The following SCN10A variants were observed in gnomAD, a reference collection of about 807,000 sequenced individuals.
The protein encoded by SCN10A is sodium voltage-gated channel alpha subunit 10.
In SCN10A, 162 loss-of-function variants were observed where a neutral mutation model predicts 170.7. That is an observed-to-expected ratio of 0.95 (90% CI 0.84 to 1.08). The LOEUF is 1.08. Ranked by LOEUF, SCN10A falls within the 50% of genes least tolerant of loss-of-function variation. The probability of loss-of-function intolerance (pLI) is 0.00; values close to 1 mark genes in which losing one functional copy is unlikely to be tolerated. For missense variants in SCN10A, 2,527 were observed against 2,436.9 expected, an observed-to-expected ratio of 1.04 and a Z score of -0.78; for synonymous variants, 985 against 904.6, an observed-to-expected ratio of 1.09 and a Z score of -1.59.
intron 1 of SCN10A, among the ~76,000 whole-genome samples, chr3:38,801,640 G>A (rs571284604): frequency 6.6e-6 from 1 of 152,000 alleles, no homozygotes; most frequent in South Asian, 2.1e-4. Flanking sequence ...TCTGAGAACA[G>A]CCTTTTTGTC....
In SCN10A at chr3:38,698,500, C is replaced by A. The variant is rs1293275271; in HGVS notation, c.4720G>T (p.Val1574Phe). The A allele has an allele frequency of 1.9e-6, 3 of 1,614,044 alleles. No individual in the cohort carries two copies. Among genetic ancestry groups the A allele is most frequent in the Non-Finnish European group, 2.5e-6 (3 of 1,180,030 alleles). ...CGGCCAATTCGGGCCAGGCGGATGA[C>A]TCTGAAGAGCGTTGGGGAGAAGTAA... ...QSYFSPTLFRVIRLARIGRIL... is the reference protein window; with the variant it reads ...QSYFSPTLFRFIRLARIGRIL... Residue 1574 changes from valine to phenylalanine, a missense_variant, in exon 28 of 28, where the codon GTC becomes TTC. Val to Phe is a conservative substitution (Grantham distance 50). Coordinates refer to ENST00000449082, the MANE Select transcript of SCN10A (RefSeq NM_006514.4).
intron 27 of SCN10A, 37 bp from the exon 28 acceptor site, chr3:38,698,599 C>T: frequency 6.3e-7 from 1 of 1,583,160 alleles, no homozygotes; most frequent in Non-Finnish European, 8.6e-7. Flanking sequence ...ATTAGTATCT[C>T]CAGCCATGAG....
intron 22 of SCN10A, among the ~76,000 whole-genome samples, chr3:38,712,805 CACAATTTAAAT>C (rs1227662430): frequency 6.6e-6 from 1 of 152,190 alleles, no homozygotes; most frequent in Non-Finnish European, 1.5e-5. Context: ...AAAACACAAA[CACAATTTAAAT>C]ACAATTTAAA....
At chr3:38,708,984 A>C (rs375119710) in intron 25 of SCN10A, among the ~76,000 whole-genome samples, 1 of 152,210 alleles carries the variant, frequency 6.6e-6, no homozygotes, top group Middle Eastern at 3.2e-3. Context: ...TCTTATAAAC[A>C]TGAGAGGTTA....
At chr3:38,724,561 T>C (rs1423062962) in intron 18 of SCN10A, among the ~76,000 whole-genome samples, 3 of 152,206 alleles carry the variant, frequency 2.0e-5, no homozygotes, top group Admixed American at 2.0e-4. Flanking sequence ...TACTCACCTA[T>C]AGAGAGCCTC....
chr3:38,777,056 A>AT, intron 4 of SCN10A, among the ~76,000 whole-genome samples: 1 of 152,246 alleles, frequency 6.6e-6, no homozygotes, highest in African/African-American at 2.4e-5. Flanking sequence ...GACTCTCATA[A>AT]ACATCATAAT....
chr3:38,744,049 G>T (rs2126016440), intron 13 of SCN10A, among the ~76,000 whole-genome samples: 1 of 152,256 alleles, frequency 6.6e-6, no homozygotes, highest in East Asian at 1.9e-4. Flanking sequence ...GATGTCCATT[G>T]TTTATAATAA....
chr3:38,778,341 T>G (rs1054157761), intron 4 of SCN10A, among the ~76,000 whole-genome samples: 2 of 151,882 alleles, frequency 1.3e-5, no homozygotes, highest in African/African-American at 4.8e-5. Flanking sequence ...AACCAGGGCA[T>G]GGGGAGAGTA....
In SCN10A at chr3:38,697,296, A is replaced by C; in HGVS notation, c.*53T>G. On this transcript the variant is annotated 3_prime_UTR_variant, in exon 28 of 28. Coordinates refer to ENST00000449082, the MANE Select transcript of SCN10A (RefSeq NM_006514.4). ...TGATCTGCAATGGGAAAGAGTTAAC[A>C]CAGAGCAGAAGGACGCATCATAACT... is the stretch of plus-strand genomic sequence containing the variant. 1 of 1,588,618 alleles carries C rather than the reference A, an allele frequency of 6.3e-7. No individual in the cohort carries two copies. Among genetic ancestry groups the C allele is most frequent in the Non-Finnish European group, 8.6e-7 (1 of 1,166,086 alleles).
intron 13 of SCN10A, among the ~76,000 whole-genome samples, chr3:38,748,468 A>G (rs1030103249): frequency 6.6e-6 from 1 of 152,190 alleles, no homozygotes; most frequent in East Asian, 1.9e-4. Context: ...TGTTAAGTCA[A>G]TGTTGGGTAC....
intron 2 of SCN10A, 101 bp from the exon 3 acceptor site, chr3:38,792,269 C>A: frequency 1.4e-6 from 2 of 1,445,156 alleles, no homozygotes; most frequent in Non-Finnish European, 9.4e-7. Flanking sequence ...GGCTTATGAG[C>A]AAGAAGGGCT....
intron 4 of SCN10A, among the ~76,000 whole-genome samples, chr3:38,788,233 A>AG (rs923119277): frequency 2.7e-5 from 4 of 150,434 alleles, no homozygotes; most frequent in Admixed American, 1.3e-4. Context: ...AAAAAAAAAA[A>AG]AAAAAAGAAA....
chr3:38,750,413 G>A (rs951777514), intron 12 of SCN10A, among the ~76,000 whole-genome samples: 2 of 152,188 alleles, frequency 1.3e-5, no homozygotes, highest in African/African-American at 2.4e-5. Flanking sequence ...AGGCTAAATA[G>A]TGTGGCCTAT....
In SCN10A at chr3:38,748,157, CAAAACA is replaced by C. The variant is rs1273953585; in HGVS notation, c.1867+1910_1867+1915del. On this transcript the variant is annotated intron_variant, in intron 13 of 27. Transcript: ENST00000449082. ...ATGTTTGCTGTTTGATGACTAATAG[CAAAACA>C]AAAACCAAAACAAACAAACAAAAAC... Among the ~76,000 whole-genome samples, 9 of 152,076 alleles carry C rather than the reference CAAAACA, an allele frequency of 5.9e-5. No individual in the cohort carries two copies. In the East Asian group the frequency reaches 1.2e-3, roughly 20 times the overall value.
chr3:38,807,474 A>G (rs1052751767), intron 1 of SCN10A, among the ~76,000 whole-genome samples: 1 of 152,160 alleles, frequency 6.6e-6, no homozygotes, highest in Non-Finnish European at 1.5e-5. Context: ...ATAAACTTTT[A>G]TACTTCTACT....
rs141368548 is a variant in SCN10A, at chr3:38,763,514, C to A, written c.682G>T (p.Val228Leu). 1.2e-6 allele frequency: 2 copies of A among 1,613,592 alleles called. No homozygotes were observed. The highest frequency in any genetic ancestry group is 1.7e-5 in the Admixed American group (1 of 60,022). Residue 228 changes from valine to leucine, a missense_variant, in exon 6 of 28, where the codon GTG becomes TTG. Transcript: ENST00000449082. ...GTGAATAAATGCTCACCTGGGATCACAGAAACTGTTTTTAATGCTCTAAGA... is the reference window on the plus strand; with the variant it reads ...GTGAATAAATGCTCACCTGGGATCAAAGAAACTGTTTTTAATGCTCTAAGA... ...RVLRALKTVS[V>L]IPGLKVIVGA...
chr3:38,733,187 C>T (rs1325956325), intron 15 of SCN10A, among the ~76,000 whole-genome samples: 2 of 152,150 alleles, frequency 1.3e-5, no homozygotes, highest in East Asian at 1.9e-4. Context: ...ACTGAAAAAG[C>T]CTTTCACTGT....
chr3:38,808,837 A>T (rs975810394), intron 1 of SCN10A, among the ~76,000 whole-genome samples: 3 of 152,226 alleles, frequency 2.0e-5, no homozygotes, highest in African/African-American at 7.2e-5. Flanking sequence ...AGTGACATTT[A>T]TTAAGAAGGA....
intron 6 of SCN10A, 21 bp downstream of exon 6, chr3:38,763,484 G>C: frequency 6.3e-7 from 1 of 1,580,320 alleles, no homozygotes; most frequent in South Asian, 1.1e-5. Flanking sequence ...ACCAACATAT[G>C]CTCTGTGAAT....
Sources: gnomAD v4.1 joint callset for allele counts (sites outside exome capture counted in the v4.1 genomes callset) on GRCh38, gnomAD v4.1.1 for gene constraint, MANE v1.5 for transcripts, NCBI Gene and HGNC (gene_info 2026-07-23, HGNC 2026-07-21) for gene names.